HOOK3: variants seen among roughly 807,000 people sequenced by gnomAD.
HOOK3 encodes the protein hook microtubule tethering protein 3.
HOOK3 carries 24 observed loss-of-function variants against 116.3 expected under a neutral mutation model. That is an observed-to-expected ratio of 0.21 (90% confidence interval 0.15 to 0.29). HOOK3 has a LOEUF of 0.29. Ranked by LOEUF, HOOK3 falls within the 10% of genes least tolerant of loss-of-function variation. The pLI, the probability that HOOK3 is intolerant of heterozygous loss-of-function variation, is 1.00. For synonymous variants in HOOK3, 275 were observed against 283.0 expected (o/e 0.97, Z 0.28); for missense variants, 632 against 830.2 (o/e 0.76, Z 2.93).
intron 14 of HOOK3, among the ~76,000 whole-genome samples, chr8:42,986,429 CATG>C (rs1204712969): frequency 6.6e-6 from 1 of 151,984 alleles, no homozygotes; most frequent in Non-Finnish European, 1.5e-5. Context: ...TATGACAAAT[CATG>C]ATATTTAGAG....
At position 42,968,080 on chromosome 8, in the gene HOOK3, C is replaced by T; in HGVS notation, c.988C>T (p.Leu330Phe). The change falls in exon 11 of 22, where the codon CTT (leucine) becomes TTT (phenylalanine). Residue 330 changes from leucine to phenylalanine, a missense_variant. Around this residue, in one of 3 missense-constraint regions of HOOK3, gnomAD observed 483 missense variants for 648.1 expected, o/e 0.75. Transcript: ENST00000307602. ...VESYKKKLED[L>F]GDLRRQVKLL... ...ATCTTATAAAAAGAAGCTAGAAGAC[C>T]TTGGTGATTTAAGGCGGCAGGTTAA... The T allele has an allele frequency of 1.2e-6, 2 of 1,609,710 alleles. No homozygotes were observed. The highest frequency in any genetic ancestry group is 2.2e-5 in the South Asian group (2 of 90,960).
intron 4 of HOOK3, among the ~76,000 whole-genome samples, chr8:42,934,290 C>CT (rs1563294676): frequency 6.6e-6 from 1 of 151,898 alleles, no homozygotes; most frequent in African/African-American, 2.4e-5. Flanking sequence ...TGCAAGAGCG[C>CT]TTTATGTTTT....
At chr8:42,905,295 C>CT (rs757313100) in intron 1 of HOOK3, among the ~76,000 whole-genome samples, 6,487 of 60,756 alleles carry the variant, frequency 0.11, 241 homozygotes, top group Middle Eastern at 0.17. Context: ...GGACATAGTT[C>CT]TTTTTTTTTT....
At chr8:42,938,923 C>A (rs1055245930) in intron 4 of HOOK3, among the ~76,000 whole-genome samples, 1 of 151,982 alleles carries the variant, frequency 6.6e-6, no homozygotes, top group African/African-American at 2.4e-5. Flanking sequence ...TGACTCTTAA[C>A]GAGCATGCTG....
intron 21 of HOOK3, among the ~76,000 whole-genome samples, chr8:43,015,667 A>G (rs1809698071): frequency 6.6e-6 from 1 of 152,220 alleles, no homozygotes; most frequent in African/African-American, 2.4e-5. Flanking sequence ...CTGGAAGCTT[A>G]GTGTTAGCAA....
In HOOK3 at chr8:43,025,402, T is replaced by TATA. The variant is rs1001212925; in HGVS notation, c.*6906_*6908dup. On this transcript the variant is annotated 3_prime_UTR_variant, in exon 22 of 22. Coordinates refer to ENST00000307602, the MANE Select transcript of HOOK3 (RefSeq NM_032410.4). Reference sequence around the variant, plus strand: ...TCATTGGGATAAGAAATAGCCTAATTATAAACAAATATGCAGGCAGAGGGA... The same window carrying TATA: ...TCATTGGGATAAGAAATAGCCTAATTATAATAAACAAATATGCAGGCAGAGGGA... The TATA allele has an allele frequency of 4.7e-6, 1 of 213,826 alleles. No individual in the cohort carries two copies. Among genetic ancestry groups the TATA allele is most frequent in the Admixed American group, 5.8e-5 (1 of 17,144 alleles). 13.2% of individuals were successfully genotyped at this position (213,826 alleles called of 1,614,324 possible).
In HOOK3 at chr8:42,973,392, A is replaced by T. The variant is rs1808761196; in HGVS notation, c.1226A>T (p.Glu409Val). The T allele has an allele frequency of 1.9e-6, 3 of 1,609,972 alleles. No individual in the cohort carries two copies. The highest frequency in any genetic ancestry group is 2.5e-6 in the Non-Finnish European group (3 of 1,177,402). Residue 409 changes from glutamate to valine, a missense_variant, in exon 12 of 22, where the codon GAA becomes GTA. By Grantham distance (121) the Glu-to-Val change is moderately radical. Around this residue, in one of 3 missense-constraint regions of HOOK3, gnomAD observed 483 missense variants for 648.1 expected, o/e 0.75. Transcript: ENST00000307602. ...LKEKVDSLQK[E>V]KDRLRTERDS... Reference sequence around the variant, plus strand: ...GAAAAAGTTGACAGTCTTCAAAAAGAAAAGGACGTGAGTATATATATTAGG... The same window carrying T: ...GAAAAAGTTGACAGTCTTCAAAAAGTAAAGGACGTGAGTATATATATTAGG...
chr8:42,938,150 T>C (rs996948348), intron 4 of HOOK3, among the ~76,000 whole-genome samples: 19 of 152,266 alleles, frequency 1.2e-4, no homozygotes, highest in African/African-American at 4.6e-4. Context: ...GTAATGGCCT[T>C]CTTTGTCTCT....
chr8:42,907,654 T>G (rs1807337016), intron 2 of HOOK3, among the ~76,000 whole-genome samples: 1 of 151,958 alleles, frequency 6.6e-6, no homozygotes, highest in South Asian at 2.1e-4. Flanking sequence ...CAATACATGA[T>G]TTTTTTGCCT....
intron 15 of HOOK3, among the ~76,000 whole-genome samples, chr8:42,988,368 CT>C (rs1809088931): frequency 6.6e-6 from 1 of 152,146 alleles, no homozygotes. Flanking sequence ...TCTCCCTACC[CT>C]AGTATTTTTT....
At chr8:42,986,602 A>T in intron 14 of HOOK3, 53 bp from the exon 15 acceptor site, 1 of 1,413,236 alleles carries the variant, frequency 7.1e-7, no homozygotes, top group Non-Finnish European at 9.7e-7. Flanking sequence ...GTTGTATATT[A>T]ATGCACCAAA....
intron 2 of HOOK3, among the ~76,000 whole-genome samples, chr8:42,915,031 C>T (rs1335037125): frequency 1.3e-5 from 2 of 152,152 alleles, no homozygotes; most frequent in East Asian, 1.9e-4. Context: ...AGCCAGATGC[C>T]GACTTTAGAT....
chr8:42,959,208 T>C, intron 7 of HOOK3, 23 bp from the exon 8 acceptor site: 2 of 1,509,934 alleles, frequency 1.3e-6, no homozygotes, highest in Non-Finnish European at 1.8e-6. Context: ...TATTAAAATG[T>C]TTATCTCTTT....
At chr8:42,971,412 A>C (rs1378942303) in intron 11 of HOOK3, among the ~76,000 whole-genome samples, 1 of 149,426 alleles carries the variant, frequency 6.7e-6, no homozygotes, top group Non-Finnish European at 1.5e-5. Flanking sequence ...GATTACAGGC[A>C]CCTGCCACCA....
chr8:42,978,471 C>T (rs993738193), intron 13 of HOOK3, among the ~76,000 whole-genome samples: 4 of 150,554 alleles, frequency 2.7e-5, no homozygotes, highest in East Asian at 2.0e-4. Context: ...AGTGCAATGG[C>T]GCTATCTAAG....
intron 16 of HOOK3, chr8:42,998,046 A>G (rs1809313370): frequency 4.3e-6 from 1 of 231,382 alleles, no homozygotes; most frequent in Non-Finnish European, 8.5e-6. Flanking sequence ...CTAGTATTGC[A>G]TTTTCTCTAA....
At chr8:42,952,862 A>G (rs1808366489) in intron 6 of HOOK3, among the ~76,000 whole-genome samples, 1 of 152,180 alleles carries the variant, frequency 6.6e-6, no homozygotes, top group South Asian at 2.1e-4. Flanking sequence ...TTTGCTCTCA[A>G]GTGGTCCTGG....
chr8:42,970,523 T>C (rs1037458007), intron 11 of HOOK3, among the ~76,000 whole-genome samples: 1 of 152,194 alleles, frequency 6.6e-6, no homozygotes, highest in Non-Finnish European at 1.5e-5. Context: ...TCCATGTCTT[T>C]GGGTTAAGTT....
At chr8:42,992,128 C>T (rs763060276) in intron 15 of HOOK3, among the ~76,000 whole-genome samples, 26 of 152,026 alleles carry the variant, frequency 1.7e-4, no homozygotes, top group Admixed American at 2.6e-4. Context: ...TGGCTGGGCC[C>T]GGTGTTTCAT....
Sources: allele counts gnomAD v4.1 joint callset (sites outside exome capture counted in the v4.1 genomes callset), GRCh38; gene constraint gnomAD v4.1.1; regional missense constraint gnomAD v4.1.1; transcripts MANE v1.5; gene names NCBI Gene and HGNC (gene_info 2026-07-23, HGNC 2026-07-21).